Variants in KIAA2012 observed in about 807,000 individuals in gnomAD.
The protein encoded by KIAA2012 is uncharacterized protein KIAA2012.
In KIAA2012, 125 loss-of-function variants were observed where a neutral mutation model predicts 150.6. The observed-to-expected ratio is 0.83, with a 90% CI of 0.72 to 0.96. The LOEUF is 0.96. Ranked by LOEUF, KIAA2012 falls within the 40% of genes least tolerant of loss-of-function variation. The pLI is 0.00. For missense variants in KIAA2012, 1,219 were observed against 1,354.9 expected (o/e 0.90, Z 1.57); for synonymous variants, 462 against 504.7 (o/e 0.92, Z 1.13).
chr2:202,192,077 A>G (rs935896910), intron 19 of KIAA2012, among the ~76,000 whole-genome samples: 4 of 152,192 alleles, frequency 2.6e-5, no homozygotes, highest in Admixed American at 6.5e-5. Flanking sequence ...AGTCCCTCCC[A>G]GCTTCCTGGA....
At chr2:202,196,742 A>G in intron 21 of KIAA2012, 58 bp from the exon 22 acceptor site, 2 of 1,509,028 alleles carry the variant, frequency 1.3e-6, no homozygotes, top group East Asian at 2.5e-5. Context: ...GTTGGATCCG[A>G]AAATTGTTTT....
chr2:202,081,131 G>A (rs1353512998), intron 2 of KIAA2012, among the ~76,000 whole-genome samples: 1 of 152,180 alleles, frequency 6.6e-6, no homozygotes. Flanking sequence ...TTAGCATAAT[G>A]TCTTCACTCA....
chr2:202,096,305 C>G (rs1165611589), intron 4 of KIAA2012, among the ~76,000 whole-genome samples: 1 of 151,966 alleles, frequency 6.6e-6, no homozygotes, highest in African/African-American at 2.4e-5. Flanking sequence ...TAGGAGCAGG[C>G]CTAATGTAGC....
rs1690013584 is a variant in KIAA2012, at chr2:202,100,423, A to G, written c.1129A>G (p.Thr377Ala). 1 of 1,550,186 alleles carries G rather than the reference A, an allele frequency of 6.5e-7. No individual in the cohort carries two copies. Among genetic ancestry groups the G allele is most frequent in the Admixed American group, 2.0e-5 (1 of 50,954 alleles). ...ATCTGCCACTGGCTCCAGAATAATC[A>G]CCCCTGGGGAAGTGAAGAAGAAAAA... Reference protein sequence around the residue: ...VASATGSRIITPGEVKKKKAP... With the variant: ...VASATGSRIIAPGEVKKKKAP... The change falls in exon 7 of 24, where the codon ACC (threonine) becomes GCC (alanine). Residue 377 changes from threonine to alanine, a missense_variant. Thr to Ala is a moderately conservative substitution (Grantham distance 58). Transcript: ENST00000498697.
intron 2 of KIAA2012, among the ~76,000 whole-genome samples, chr2:202,080,852 T>C (rs1381062015): frequency 6.6e-6 from 1 of 152,178 alleles, no homozygotes; most frequent in African/African-American, 2.4e-5. Context: ...ATATATAACA[T>C]GAAATTTACC....
chr2:202,106,009 A>G, intron 9 of KIAA2012, 99 bp downstream of exon 9: 1 of 1,546,298 alleles, frequency 6.5e-7, no homozygotes. Context: ...AGGAGTCTGG[A>G]AGGGAGGTTA....
At chr2:202,145,198 G>A (rs1337720852) in intron 13 of KIAA2012, among the ~76,000 whole-genome samples, 1 of 152,128 alleles carries the variant, frequency 6.6e-6, no homozygotes, top group East Asian at 1.9e-4. Flanking sequence ...TCTAAAGTCA[G>A]CTGTCTTTTC....
chr2:202,171,875 A>G, intron 15 of KIAA2012, among the ~76,000 whole-genome samples: 1 of 127,004 alleles, frequency 7.9e-6, no homozygotes, highest in Non-Finnish European at 1.6e-5. Flanking sequence ...TTGGAGACAG[A>G]GTCTTACTCT....
intron 3 of KIAA2012, among the ~76,000 whole-genome samples, chr2:202,092,185 T>G (rs768830391): frequency 6.6e-6 from 1 of 152,160 alleles, no homozygotes; most frequent in African/African-American, 2.4e-5. Context: ...CACACACACA[T>G]GCATTCTTGA....
At chr2:202,078,898 T>TA (rs1400157427) in intron 2 of KIAA2012, among the ~76,000 whole-genome samples, 1 of 152,048 alleles carries the variant, frequency 6.6e-6, no homozygotes, top group Non-Finnish European at 1.5e-5. Flanking sequence ...AATCTGTTTT[T>TA]AAAAAAGTGA....
rs146578786 is a variant in KIAA2012, at chr2:202,194,187, C to T, written c.3015-3C>T. The T allele has an allele frequency of 7.2e-5, 112 of 1,550,262 alleles. No individual in the cohort carries two copies. The Middle Eastern group carries it at 1.0e-3, about 14-fold the overall frequency. ...TTTCCCTGACCATCTTGGGTTTTCT[C>T]AGCTTGAGGAAACAGAGACTCCAAG... On this transcript the variant is annotated splice_polypyrimidine_tract_variant and splice_region_variant and intron_variant, in intron 20 of 23. Coordinates refer to ENST00000498697, the MANE Select transcript of KIAA2012 (RefSeq NM_001277372.4).
chr2:202,077,115 C>A (rs1184170636), intron 2 of KIAA2012: 3 of 452,968 alleles, frequency 6.6e-6, no homozygotes, highest in Admixed American at 2.4e-5. Context: ...CCCACCAGCT[C>A]CTCCCTCTGT....
intron 11 of KIAA2012, among the ~76,000 whole-genome samples, chr2:202,124,318 C>T (rs1359975527): frequency 6.6e-6 from 1 of 152,214 alleles, no homozygotes; most frequent in Non-Finnish European, 1.5e-5. Context: ...ATTGTTTTAA[C>T]TAATTTTCAT....
intron 2 of KIAA2012, chr2:202,076,970 G>A (rs764397807): frequency 1.5e-5 from 7 of 456,720 alleles, no homozygotes; most frequent in Non-Finnish European, 2.6e-5. Context: ...AGAGATTGGA[G>A]AGGGAGAAGA....
At chr2:202,125,137 C>A in intron 11 of KIAA2012, 77 bp from the exon 12 acceptor site, 1 of 1,172,836 alleles carries the variant, frequency 8.5e-7, no homozygotes, top group Non-Finnish European at 1.2e-6. Context: ...TCATGTTTTC[C>A]CCTGTCTTCG....
intron 15 of KIAA2012, among the ~76,000 whole-genome samples, chr2:202,182,022 G>A (rs1692130350): frequency 6.7e-6 from 1 of 149,306 alleles, no homozygotes; most frequent in Admixed American, 6.7e-5. Context: ...AACAACTGAT[G>A]TGTTTTCTGT....
intron 13 of KIAA2012, among the ~76,000 whole-genome samples, chr2:202,140,392 G>A (rs1184998840): frequency 1.3e-5 from 2 of 152,154 alleles, no homozygotes; most frequent in Non-Finnish European, 2.9e-5. Flanking sequence ...CCATGCACCT[G>A]CCTCCTTTGT....
chr2:202,105,677 G>A (rs1690167946), intron 8 of KIAA2012, 84 bp from the exon 9 acceptor site: 4 of 1,488,604 alleles, frequency 2.7e-6, no homozygotes, highest in Non-Finnish European at 3.6e-6. Context: ...GTGTGAGCAG[G>A]GAAGGGATAG....
In KIAA2012 at chr2:202,154,811, G is replaced by C; in HGVS notation, c.2046+1G>C. 6.5e-7 allele frequency: 1 copy of C among 1,546,322 alleles called. No homozygotes were observed. On this transcript the variant is annotated splice_donor_variant, in intron 14 of 23. Coordinates refer to ENST00000498697, the MANE Select transcript of KIAA2012 (RefSeq NM_001277372.4). LOFTEE classifies it high-confidence loss of function. ...CATCGACATGACGCCGTTCCTGAAGGTGATCTCACACTGAGAAGACGAGGG... is the reference window on the plus strand; with the variant it reads ...CATCGACATGACGCCGTTCCTGAAGCTGATCTCACACTGAGAAGACGAGGG...
Sources: allele counts gnomAD v4.1 joint callset (sites outside exome capture counted in the v4.1 genomes callset), GRCh38; gene constraint gnomAD v4.1.1; transcripts MANE v1.5; gene names NCBI Gene and HGNC (gene_info 2026-07-23, HGNC 2026-07-21).